The following TUSC2 variants were observed in gnomAD, a reference collection of about 807,000 sequenced individuals.
The protein encoded by TUSC2 is tumor suppressor 2, mitochondrial calcium regulator.
TUSC2 carries 7 observed loss-of-function variants against 11.5 expected under a neutral mutation model. The ratio of observed to expected loss-of-function variants is 0.61; its 90% CI spans 0.35 to 1.14. The LOEUF (loss-of-function observed/expected upper bound fraction) is 1.14. Ranked by LOEUF, TUSC2 falls within the 50% of genes most tolerant of loss-of-function variation. The pLI is 0.03. For synonymous variants in TUSC2, 61 were observed against 64.1 expected (o/e 0.95, Z 0.23); for missense variants, 132 against 155.0 (o/e 0.85, Z 0.79).
rs1702811643 is a variant in TUSC2 at position 50,327,984 on chromosome 3, G to C, written c.116C>G (p.Ala39Gly). Residue 39 changes from alanine (A) to glycine (G), a missense_variant, in exon 1 of 3, where the codon GCT becomes GGT. By Grantham distance (60) the Ala-to-Gly change is moderately conservative. Coordinates refer to ENST00000232496, the MANE Select transcript of TUSC2 (RefSeq NM_007275.3). ...GCGCGTGAATACGAAGGGGGGCACAGCTCGGCCCCGAGGCCGCACCAAAGC... is the reference window on the plus strand; with the variant it reads ...GCGCGTGAATACGAAGGGGGGCACACCTCGGCCCCGAGGCCGCACCAAAGC... Reference protein sequence around the residue: ...EQALVRPRGRAVPPFVFTRRG... With the variant: ...EQALVRPRGRGVPPFVFTRRG... 6.5e-7 allele frequency: 1 copy of C among 1,541,414 alleles called. No homozygotes were observed.
rs1553717341 is a variant in TUSC2 at position 50,326,087 on chromosome 3, G to C, written c.*34C>G. 5 of 1,560,016 alleles carry C rather than the reference G, an allele frequency of 3.2e-6. No individual in the cohort carries two copies. In the East Asian group the frequency reaches 1.2e-4, roughly 37 times the overall value. On this transcript the variant is annotated 3_prime_UTR_variant, in exon 3 of 3. Coordinates refer to ENST00000232496, the MANE Select transcript of TUSC2 (RefSeq NM_007275.3). The stretch of plus-strand genomic sequence containing the variant: ...ATTGAGCCTGGGAGTTTCTTGCCGG[G>C]GCAGGGGGTGCTTCTGTCTGCCACC...
At chr3:50,326,896 G>C (rs1286324053) in intron 1 of TUSC2, 1 of 329,862 alleles carries the variant, frequency 3.0e-6, no homozygotes, top group African/African-American at 2.2e-5. Flanking sequence ...AGGATTACAG[G>C]CGTGAGCCAC....
intron 1 of TUSC2, chr3:50,327,293 T>C: frequency 8.8e-6 from 4 of 454,960 alleles, no homozygotes; most frequent in South Asian, 6.2e-5. Flanking sequence ...GCTGGTGAAT[T>C]GCCACTGTTG....
chr3:50,327,671 ATCTTATGGAGG>A (rs146830502), intron 1 of TUSC2, among the ~76,000 whole-genome samples: 3,735 of 152,128 alleles, frequency 0.025, 147 homozygotes, highest in African/African-American at 0.083. Flanking sequence ...AAAGGAAGAG[ATCTTATGGAGG>A]TCTTATGGAG....
In TUSC2 at chr3:50,326,204, G is replaced by A; in HGVS notation, c.268-18C>T. On this transcript the variant is annotated intron_variant, in intron 2 of 2. Transcript: ENST00000232496. Reference sequence around the variant, plus strand: ...ACGATGCCCTGCCATGGAAACAGAGGCTAGTAAGGGTCAGCTCAGGGCCTC... The same window carrying A: ...ACGATGCCCTGCCATGGAAACAGAGACTAGTAAGGGTCAGCTCAGGGCCTC... The A allele has an allele frequency of 3.7e-6, 6 of 1,604,906 alleles. No individual in the cohort carries two copies. Among genetic ancestry groups the A allele is most frequent in the Non-Finnish European group, 5.1e-6 (6 of 1,175,874 alleles).
chr3:50,327,242 G>A (rs1702801959), intron 1 of TUSC2: 2 of 456,730 alleles, frequency 4.4e-6, no homozygotes, highest in South Asian at 1.5e-5. Context: ...GAAGCACAAA[G>A]GAATGAAGGC....
At chr3:50,327,817 C>A in intron 1 of TUSC2, 137 bp downstream of exon 1, 1 of 1,270,350 alleles carries the variant, frequency 7.9e-7, no homozygotes, top group Non-Finnish European at 1.0e-6. Context: ...TCTCCACCCC[C>A]AGCTCCAATG....
At chr3:50,326,963 A>C (rs1268177822) in intron 1 of TUSC2, 1 of 336,278 alleles carries the variant, frequency 3.0e-6, no homozygotes, top group African/African-American at 2.2e-5. Flanking sequence ...ACTAGAAGAA[A>C]GTGGGAAGTG....
In TUSC2 at chr3:50,325,757, G is replaced by A. The variant is rs11549672; in HGVS notation, c.*364C>T. ...AAGCATACCTTGCTTGTAAAGTGCT[G>A]TAGCCTCTAGCAGGGCTAGGCCCCA... On this transcript the variant is annotated 3_prime_UTR_variant, in exon 3 of 3. Transcript: ENST00000232496. The surrounding 1 kb of genome is among the most constrained non-coding windows in gnomAD (Gnocchi z 5.1). 9.4e-6 allele frequency: 3 copies of A among 318,928 alleles called. No homozygotes were observed. In the East Asian group the frequency reaches 1.8e-4, roughly 20 times the overall value. 19.8% of individuals were successfully genotyped at this position (318,928 alleles called of 1,614,324 possible). A position where few individuals can be genotyped will look rare whatever the true frequency, so the allele number is the denominator to read the frequency against.
In TUSC2 at chr3:50,325,882, A is replaced by G. The variant is rs1249661448; in HGVS notation, c.*239T>C. 3.5e-6 allele frequency: 2 copies of G among 577,114 alleles called. No individual in the cohort carries two copies. The highest frequency in any genetic ancestry group is 2.9e-5 in the East Asian group (1 of 34,380). 35.7% of individuals were successfully genotyped at this position (577,114 alleles called of 1,614,324 possible). On this transcript the variant is annotated 3_prime_UTR_variant, in exon 3 of 3. Coordinates refer to ENST00000232496, the MANE Select transcript of TUSC2 (RefSeq NM_007275.3). This position sits in a 1 kb window ranked among gnomAD's most constrained non-coding sequence, Gnocchi z 5.1. ...GCTGCTTGCAGGGGTGGCTTGGGAG[A>G]GTGGGGTGCTAACTCTGCCATTAGC...
chr3:50,326,491 G>T lies in TUSC2; in HGVS notation c.147-14C>A. ...TAGAACATAGAGCTGTGTAGAGGGA[G>T]AAGGAAACAGGCTGGGCTGGAGCCC... On this transcript the variant is annotated splice_polypyrimidine_tract_variant and intron_variant, in intron 1 of 2. Coordinates refer to ENST00000232496, the MANE Select transcript of TUSC2 (RefSeq NM_007275.3). 2 of 1,612,674 alleles carry T rather than the reference G, an allele frequency of 1.2e-6. No homozygotes were observed. Among genetic ancestry groups the T allele is most frequent in the Non-Finnish European group, 8.5e-7 (1 of 1,179,046 alleles).
Position 50,327,980 on chromosome 3 carries a change from C to T in TUSC2, c.120G>A (p.Val40=), listed in dbSNP as rs782389849. ...CGCGGCGCGTGAATACGAAGGGGGG[C>T]ACAGCTCGGCCCCGAGGCCGCACCA... The part of the protein sequence containing the change: ...QALVRPRGRA[V]PPFVFTRRGS... The change falls in exon 1 of 3, where the codon GTG becomes GTA. Residue 40 remains valine, a synonymous_variant. Transcript: ENST00000232496. 6.5e-7 allele frequency: 1 copy of T among 1,542,196 alleles called. No homozygotes were observed. The highest frequency in any genetic ancestry group is 8.7e-7 in the Non-Finnish European group (1 of 1,147,632).
Position 50,325,985 on chromosome 3 carries a change from G to T in TUSC2, c.*136C>A. 1 of 1,115,756 alleles carries T rather than the reference G, an allele frequency of 9.0e-7. No individual in the cohort carries two copies. The highest frequency in any genetic ancestry group is 1.3e-6 in the Non-Finnish European group (1 of 769,348). The allele number at this position is 1,115,756 out of a possible 1,614,324, so 69.1% of individuals were successfully genotyped here. A position where few individuals can be genotyped will look rare whatever the true frequency, so the allele number is the denominator to read the frequency against. On this transcript the variant is annotated 3_prime_UTR_variant, in exon 3 of 3. Coordinates refer to ENST00000232496, the MANE Select transcript of TUSC2 (RefSeq NM_007275.3). The surrounding 1 kb of genome is among the most constrained non-coding windows in gnomAD (Gnocchi z 5.1). ...ATACTGTGGGACCGACCCGCTCACAGCTGAAGGTTATGGGCCAACAGAGTT... is the reference window on the plus strand; with the variant it reads ...ATACTGTGGGACCGACCCGCTCACATCTGAAGGTTATGGGCCAACAGAGTT...
Position 50,327,995 on chromosome 3 carries a change from A to G in TUSC2, c.105T>C (p.Pro35=), listed in dbSNP as rs781975384. 1.9e-6 allele frequency: 3 copies of G among 1,539,600 alleles called. No individual in the cohort carries two copies. Among genetic ancestry groups the G allele is most frequent in the Non-Finnish European group, 2.6e-6 (3 of 1,145,874 alleles). The change falls in exon 1 of 3, where the codon CCT becomes CCC. Residue 35 remains proline, a synonymous_variant. Transcript: ENST00000232496. ...CGAAGGGGGGCACAGCTCGGCCCCG[A>G]GGCCGCACCAAAGCTTGCTCAGCTC... The part of the protein sequence containing the change: ...AAGAEQALVR[P]RGRAVPPFVF...
intron 1 of TUSC2, 141 bp downstream of exon 1, chr3:50,327,812 AC>A: frequency 8.0e-7 from 1 of 1,248,196 alleles, no homozygotes. Context: ...GGCTTTCTCC[AC>A]CCCCAGCTCC....
At position 50,326,204 on chromosome 3, in the gene TUSC2, G is replaced by C; in HGVS notation, c.268-18C>G. ...ACGATGCCCTGCCATGGAAACAGAG[G>C]CTAGTAAGGGTCAGCTCAGGGCCTC... On this transcript the variant is annotated intron_variant, in intron 2 of 2. Transcript: ENST00000232496. 6.2e-7 allele frequency: 1 copy of C among 1,604,906 alleles called. No homozygotes were observed. Among genetic ancestry groups the C allele is most frequent in the East Asian group, 2.2e-5 (1 of 44,540 alleles).
Position 50,328,094 on chromosome 3 carries a change from G to A in TUSC2, c.6C>T (p.Gly2=), listed in dbSNP as rs887726932. M[G]ASGSKARGLW... ...GGCCCCGAGCTTTGGACCCGCTGGC[G>A]CCCATGTCAGGGCCGCCGGCGCATG... The change falls in exon 1 of 3, where the codon GGC becomes GGT. Residue 2 remains glycine, a synonymous_variant. Coordinates refer to ENST00000232496, the MANE Select transcript of TUSC2 (RefSeq NM_007275.3). The A allele has an allele frequency of 3.0e-5, 42 of 1,394,142 alleles. No homozygotes were observed. The highest frequency in any genetic ancestry group is 3.6e-5 in the Non-Finnish European group (39 of 1,074,594). 86.4% of individuals were successfully genotyped at this position (1,394,142 alleles called of 1,614,324 possible). A position where few individuals can be genotyped will look rare whatever the true frequency, so the allele number is the denominator to read the frequency against.
intron 1 of TUSC2, 117 bp from the exon 2 acceptor site, chr3:50,326,594 A>G: frequency 1.4e-6 from 2 of 1,456,426 alleles, no homozygotes; most frequent in Middle Eastern, 2.0e-4. Context: ...AGAAAAGAGG[A>G]TAATATGCCT....
chr3:50,328,132 G>A lies in TUSC2; in HGVS notation c.-33C>T. On this transcript the variant is annotated 5_prime_UTR_variant, in exon 1 of 3. Transcript: ENST00000232496. ...CCGCCGGCGCATGGCGGGCCCCGTG[G>A]CCGCTCTGCTCACACCGCAGTCCGC... The A allele has an allele frequency of 1.5e-6, 2 of 1,363,462 alleles. No individual in the cohort carries two copies. Among genetic ancestry groups the A allele is most frequent in the East Asian group, 3.1e-5 (1 of 32,670 alleles). The allele number at this position is 1,363,462 out of a possible 1,614,324, so 84.5% of individuals were successfully genotyped here.
Sources: allele counts gnomAD v4.1 joint callset (sites outside exome capture counted in the v4.1 genomes callset), GRCh38; gene constraint gnomAD v4.1.1; non-coding constraint Gnocchi (gnomAD v3.1); transcripts MANE v1.5; gene names NCBI Gene and HGNC (gene_info 2026-07-23, HGNC 2026-07-21).